The following SCARA5 variants were observed in gnomAD, a reference collection of about 807,000 sequenced individuals.
The protein encoded by SCARA5 is scavenger receptor class A member 5.
A neutral mutation model predicts 46.3 loss-of-function variants in SCARA5; 45 were observed. The ratio of observed to expected loss-of-function variants is 0.97; its 90% CI spans 0.76 to 1.24. The LOEUF (loss-of-function observed/expected upper bound fraction) is 1.24, where lower values mean the gene tolerates loss of function less well. Ranked by LOEUF, SCARA5 falls within the 50% of genes most tolerant of loss-of-function variation. The pLI, the probability that SCARA5 is intolerant of heterozygous loss-of-function variation, is 0.00. For synonymous variants in SCARA5, 333 were observed against 306.5 expected, an observed-to-expected ratio of 1.09 and a Z score of -0.90; for missense variants, 680 against 689.0, an observed-to-expected ratio of 0.99 and a Z score of 0.15.
chr8:27,962,754 G>A (rs1490767700), intron 3 of SCARA5, among the ~76,000 whole-genome samples: 2 of 152,200 alleles, frequency 1.3e-5, no homozygotes, highest in African/African-American at 4.8e-5. Context: ...TTTGGCAACA[G>A]CAGAAACTAC....
At chr8:27,984,781 A>T (rs1028496233) in intron 2 of SCARA5, among the ~76,000 whole-genome samples, 1 of 151,982 alleles carries the variant, frequency 6.6e-6, no homozygotes, top group Non-Finnish European at 1.5e-5. Flanking sequence ...TCATTCATTC[A>T]TCCATCCATT....
intron 2 of SCARA5, among the ~76,000 whole-genome samples, chr8:27,977,573 T>C (rs532590488): frequency 3.5e-4 from 53 of 152,336 alleles, no homozygotes; most frequent in African/African-American, 1.3e-3. Context: ...CATACACCAG[T>C]CATATGCCAG....
rs114685991 is a variant in SCARA5, at chr8:27,881,315, T to A, written c.1154-1549A>T. On this transcript the variant is annotated intron_variant, in intron 7 of 8. Coordinates refer to ENST00000354914, the MANE Select transcript of SCARA5 (RefSeq NM_173833.6). ...AACCTACGTGCCTATCAGCAGCGGA[T>A]TGAATAAAGAAAATGTGGTACATAT... 3.2e-3 allele frequency among the ~76,000 whole-genome samples: 487 copies of A among 152,182 alleles called. 1 individual carries two copies. Among genetic ancestry groups the A allele is most frequent in the African/African-American group, 9.5e-3 (395 of 41,508 alleles).
chr8:27,878,091 T>C (rs1806753108), intron 8 of SCARA5, among the ~76,000 whole-genome samples: 1 of 152,138 alleles, frequency 6.6e-6, no homozygotes, highest in African/African-American at 2.4e-5. Context: ...CCGGCTCCAC[T>C]CCATGATGTG....
intron 3 of SCARA5, among the ~76,000 whole-genome samples, chr8:27,926,864 G>C (rs1563528804): frequency 6.6e-6 from 1 of 152,132 alleles, no homozygotes; most frequent in Non-Finnish European, 1.5e-5. Flanking sequence ...GGCTGTTGGA[G>C]AATAAAAAGC....
chr8:27,939,567 G>T (rs1807909533), intron 3 of SCARA5, among the ~76,000 whole-genome samples: 2 of 152,274 alleles, frequency 1.3e-5, no homozygotes, highest in Non-Finnish European at 2.9e-5. Flanking sequence ...CCACTGTGAT[G>T]CCCCTCCATA....
chr8:27,986,529 C>T (rs1320462468), intron 2 of SCARA5, among the ~76,000 whole-genome samples: 1 of 152,128 alleles, frequency 6.6e-6, no homozygotes, highest in African/African-American at 2.4e-5. Context: ...AGAAGAAGAG[C>T]CACCATGGTG....
At chr8:27,922,535 A>G (rs558798554) in intron 3 of SCARA5, among the ~76,000 whole-genome samples, 1 of 152,342 alleles carries the variant, frequency 6.6e-6, no homozygotes, top group Admixed American at 6.5e-5. Flanking sequence ...TAGAAGATCC[A>G]GAAGTAATTC....
intron 3 of SCARA5, among the ~76,000 whole-genome samples, chr8:27,950,219 A>C (rs997788933): frequency 1.3e-5 from 2 of 151,624 alleles, no homozygotes; most frequent in Non-Finnish European, 2.9e-5. Flanking sequence ...AGGCAGGGAC[A>C]CCCACACGCT....
chr8:27,900,511 G>T (rs905019557), intron 7 of SCARA5, among the ~76,000 whole-genome samples: 4 of 152,112 alleles, frequency 2.6e-5, no homozygotes, highest in Non-Finnish European at 5.9e-5. Context: ...TTTTTCAAGT[G>T]CTCTAAGCCA....
intron 3 of SCARA5, among the ~76,000 whole-genome samples, chr8:27,959,133 G>A (rs544141379): frequency 8.9e-4 from 136 of 152,150 alleles, no homozygotes; most frequent in South Asian, 1.7e-3. Flanking sequence ...CTCAGGAGGC[G>A]GAGGCAGGAG....
At chr8:27,929,972 CTCTT>C (rs1291238107) in intron 3 of SCARA5, among the ~76,000 whole-genome samples, 2 of 152,164 alleles carry the variant, frequency 1.3e-5, no homozygotes, top group Non-Finnish European at 2.9e-5. Flanking sequence ...AGAATCTCCC[CTCTT>C]TCTTTCTAGG....
chr8:27,928,644 TTCTC>T (rs1223628235), intron 3 of SCARA5, among the ~76,000 whole-genome samples: 3 of 151,948 alleles, frequency 2.0e-5, no homozygotes, highest in Non-Finnish European at 4.4e-5. Context: ...CTGTCTTTCT[TTCTC>T]TTTTTCTTTT....
At chr8:27,957,333 C>A (rs1013408578) in intron 3 of SCARA5, among the ~76,000 whole-genome samples, 1 of 152,206 alleles carries the variant, frequency 6.6e-6, no homozygotes, top group African/African-American at 2.4e-5. Flanking sequence ...GGTTATAAAT[C>A]ACTTAACAAA....
chr8:27,913,474 G>C (rs571708274), intron 4 of SCARA5, among the ~76,000 whole-genome samples: 48 of 152,332 alleles, frequency 3.2e-4, no homozygotes, highest in African/African-American at 1.1e-3. Flanking sequence ...ACCCAAGCTG[G>C]AAATCTTGAG....
At chr8:27,957,612 C>T (rs542818150) in intron 3 of SCARA5, among the ~76,000 whole-genome samples, 8 of 152,348 alleles carry the variant, frequency 5.3e-5, no homozygotes, top group Admixed American at 4.6e-4. Flanking sequence ...CCAGGAGGCT[C>T]GGGTGGGAGA....
chr8:27,989,137 T>C (rs1159386129), intron 1 of SCARA5, among the ~76,000 whole-genome samples: 5 of 132,078 alleles, frequency 3.8e-5, no homozygotes, highest in Non-Finnish European at 8.1e-5. Context: ...TTCTTTTTTT[T>C]TTTTTTTTTT....
intron 3 of SCARA5, among the ~76,000 whole-genome samples, chr8:27,960,563 G>T (rs1808279032): frequency 6.6e-6 from 1 of 152,092 alleles, no homozygotes; most frequent in Non-Finnish European, 1.5e-5. Flanking sequence ...CATGGGGTAG[G>T]CACCACGATC....
At chr8:27,956,673 C>T (rs1486071884) in intron 3 of SCARA5, among the ~76,000 whole-genome samples, 1 of 152,222 alleles carries the variant, frequency 6.6e-6, no homozygotes, top group Non-Finnish European at 1.5e-5. Context: ...TTCTGATCTG[C>T]CCTGTGCTTG....
Sources: gnomAD v4.1 joint callset for allele counts (sites outside exome capture counted in the v4.1 genomes callset) on GRCh38, gnomAD v4.1.1 for gene constraint, MANE v1.5 for transcripts, NCBI Gene and HGNC (gene_info 2026-07-23, HGNC 2026-07-21) for gene names.